Variants in CHST11 observed in about 807,000 individuals in gnomAD.
CHST11 encodes C4S-1.
In CHST11, 9 loss-of-function variants were observed where a neutral mutation model predicts 30.4. That is an observed-to-expected ratio of 0.30 (90% CI 0.18 to 0.52). CHST11 has a LOEUF of 0.52. CHST11 is among the 20% of genes least tolerant of loss of function. CHST11 has a pLI of 0.97. For synonymous variants in CHST11, 152 were observed against 187.8 expected, an observed-to-expected ratio of 0.81 and a Z score of 1.56; for missense variants, 348 against 460.6, an observed-to-expected ratio of 0.76 and a Z score of 2.24.
At chr12:104,749,476 G>T (rs1047046067) in intron 2 of CHST11, among the ~76,000 whole-genome samples, 1 of 152,200 alleles carries the variant, frequency 6.6e-6, no homozygotes, top group Admixed American at 6.5e-5. Flanking sequence ...CAAACAAGAA[G>T]AGGGGAGAGA....
At position 104,757,773 on chromosome 12, in the gene CHST11, C is replaced by T; in HGVS notation, c.1029C>T (p.Tyr343=). The change falls in exon 3 of 3, where the codon TAC becomes TAT. Residue 343 remains tyrosine (Y), a synonymous_variant. Transcript: ENST00000303694. The surrounding 1 kb of genome is among the most constrained non-coding windows in gnomAD (Gnocchi z 6.5). ...AACTCGATTTTTTAATGTTCAATTA[C>T]TCAGTGCCAAGCTACCTGAAATTGG... ...VYKLDFLMFN[Y]SVPSYLKLE is the part of the protein sequence containing the mutation. 4 of 1,614,070 alleles carry T rather than the reference C, an allele frequency of 2.5e-6. No homozygotes were observed. Among genetic ancestry groups the T allele is most frequent in the Non-Finnish European group, 3.4e-6 (4 of 1,179,932 alleles).
intron 2 of CHST11, among the ~76,000 whole-genome samples, chr12:104,686,327 G>T (rs753919140): frequency 6.6e-6 from 1 of 151,742 alleles, no homozygotes; most frequent in African/African-American, 2.4e-5. Context: ...CTGATCCAGC[G>T]CTTGGCTGAC....
At chr12:104,572,337 C>A (rs2038636548) in intron 1 of CHST11, among the ~76,000 whole-genome samples, 2 of 151,798 alleles carry the variant, frequency 1.3e-5, no homozygotes, top group Middle Eastern at 3.4e-3. Context: ...GTGAATCCGT[C>A]TGGTCCTGGA....
intron 1 of CHST11, among the ~76,000 whole-genome samples, chr12:104,460,380 A>C (rs1241362401): frequency 6.6e-6 from 1 of 152,104 alleles, no homozygotes; most frequent in Non-Finnish European, 1.5e-5. Context: ...GAAAAAAAGG[A>C]AGGCAGGGCG....
intron 2 of CHST11, among the ~76,000 whole-genome samples, chr12:104,607,423 C>T (rs941086871): frequency 6.6e-6 from 1 of 152,006 alleles, no homozygotes; most frequent in South Asian, 2.1e-4. Flanking sequence ...AGGAAAAGGG[C>T]GTGGGGAGGA....
chr12:104,744,323 G>A (rs1334451647), intron 2 of CHST11, among the ~76,000 whole-genome samples: 1 of 152,096 alleles, frequency 6.6e-6, no homozygotes, highest in East Asian at 1.9e-4. Context: ...GTATCTCATT[G>A]TGGGTTTGAT....
intron 1 of CHST11, among the ~76,000 whole-genome samples, chr12:104,485,605 A>G (rs1370884022): frequency 1.3e-5 from 2 of 152,238 alleles, no homozygotes; most frequent in Non-Finnish European, 2.9e-5. Context: ...ACAATGGCAG[A>G]AACAATCGGT....
intron 1 of CHST11, among the ~76,000 whole-genome samples, chr12:104,504,714 CCAT>C (rs1424817412): frequency 7.9e-5 from 12 of 151,976 alleles, no homozygotes; most frequent in Non-Finnish European, 1.5e-4. Context: ...GCCTGTAGTC[CCAT>C]CTACTAGGGA....
rs76048619 is a variant in CHST11, at chr12:104,680,198, A to G, written c.205-76751A>G. On this transcript the variant is annotated intron_variant, in intron 2 of 2. Transcript: ENST00000303694. ...AGGACGCAGGTGATAGCAAATAGAT[A>G]TATAAGAAGATACAAGGTAGTAATA... 7.4e-3 allele frequency among the ~76,000 whole-genome samples: 1,127 copies of G among 152,344 alleles called. 13 individuals carry two copies. The highest frequency in any genetic ancestry group is 0.025 in the African/African-American group (1,039 of 41,572).
chr12:104,757,173 G>A lies in CHST11; in HGVS notation c.429G>A (p.Lys143=), dbSNP rs376738492. The A allele has an allele frequency of 1.2e-6, 2 of 1,614,168 alleles. No individual in the cohort carries two copies. Among genetic ancestry groups the A allele is most frequent in the South Asian group, 1.1e-5 (1 of 91,082 alleles). The part of the protein sequence containing the change: ...RLMMVLTGRG[K]YSDPMEIPAN... ...TGATGGTCCTGACCGGGCGGGGGAAGTACAGCGACCCCATGGAGATCCCGG... is the reference window on the plus strand; with the variant it reads ...TGATGGTCCTGACCGGGCGGGGGAAATACAGCGACCCCATGGAGATCCCGG... The change falls in exon 3 of 3, where the codon AAG becomes AAA. Residue 143 remains lysine, a synonymous_variant. Coordinates refer to ENST00000303694, the MANE Select transcript of CHST11 (RefSeq NM_018413.6). This position sits in a 1 kb window ranked among gnomAD's most constrained non-coding sequence, Gnocchi z 6.5.
At position 104,511,930 on chromosome 12, in the gene CHST11, A is replaced by C. The variant is rs2037969602; in HGVS notation, c.118+54401A>C. Among the ~76,000 whole-genome samples the C allele has an allele frequency of 3.9e-5, 6 of 152,148 alleles. No homozygotes were observed. The South Asian group carries it at 1.2e-3, about 32-fold the overall frequency. On this transcript the variant is annotated intron_variant, in intron 1 of 2. Coordinates refer to ENST00000303694, the MANE Select transcript of CHST11 (RefSeq NM_018413.6). Reference sequence around the variant, plus strand: ...AGTCAATGCTATGAAATGGTATAGTATTTGCATATAGCCTACACACATCCT... The same window carrying C: ...AGTCAATGCTATGAAATGGTATAGTCTTTGCATATAGCCTACACACATCCT...
chr12:104,566,038 T>A (rs7139418), intron 1 of CHST11, among the ~76,000 whole-genome samples: 44,890 of 151,956 alleles, frequency 0.3, 6,865 homozygotes, highest in Middle Eastern at 0.39. Flanking sequence ...CCTGTGAATG[T>A]TCTAGATTCT....
At chr12:104,463,526 C>T (rs578096923) in intron 1 of CHST11, among the ~76,000 whole-genome samples, 44 of 152,318 alleles carry the variant, frequency 2.9e-4, no homozygotes, top group Admixed American at 2.4e-3. Context: ...GTGCCAGATA[C>T]TGTTCTTGGC....
At chr12:104,531,758 G>A (rs572514862) in intron 1 of CHST11, among the ~76,000 whole-genome samples, 1 of 152,072 alleles carries the variant, frequency 6.6e-6, no homozygotes, top group Non-Finnish European at 1.5e-5. Flanking sequence ...TCCTGTGCAT[G>A]TTCTCCCAGC....
At chr12:104,635,373 C>T (rs985962949) in intron 2 of CHST11, among the ~76,000 whole-genome samples, 5 of 152,210 alleles carry the variant, frequency 3.3e-5, no homozygotes, top group African/African-American at 1.2e-4. Context: ...CCTGGCCTTC[C>T]GGTGGCACAC....
chr12:104,582,121 C>T (rs796675361), intron 1 of CHST11, among the ~76,000 whole-genome samples: 4 of 152,176 alleles, frequency 2.6e-5, no homozygotes, highest in South Asian at 2.1e-4. Flanking sequence ...TGGAAATGTG[C>T]GCCTGAGAGT....
chr12:104,757,406 G>A lies in CHST11; in HGVS notation c.662G>A (p.Arg221Gln), dbSNP rs1348803637. Residue 221 changes from arginine (R) to glutamine (Q), a missense_variant, in exon 3 of 3, where the codon CGG (arginine) becomes CAG (glutamine). Around this residue, in one of 3 missense-constraint regions of CHST11, gnomAD observed 210 missense variants for 287.2 expected, o/e 0.73. Transcript: ENST00000303694. This position sits in a 1 kb window ranked among gnomAD's most constrained non-coding sequence, Gnocchi z 6.5. ...GGCACCAAGATCATCAAACGCCAGC[G>A]GAAGAACGCCACCCAGGAGGCCCTG... is the stretch of plus-strand genomic sequence containing the variant. ...RYGTKIIKRQRKNATQEALRK... is the reference protein window; with the variant it reads ...RYGTKIIKRQQKNATQEALRK... The A allele has an allele frequency of 3.7e-6, 6 of 1,614,068 alleles. No homozygotes were observed. The highest frequency in any genetic ancestry group is 1.7e-5 in the Admixed American group (1 of 60,022).
At chr12:104,663,671 A>G (rs1303444335) in intron 2 of CHST11, among the ~76,000 whole-genome samples, 1 of 152,286 alleles carries the variant, frequency 6.6e-6, no homozygotes, top group East Asian at 1.9e-4. Context: ...AAATCTTACT[A>G]GGAATGGTTT....
chr12:104,684,568 G>A (rs1382003066), intron 2 of CHST11, among the ~76,000 whole-genome samples: 1 of 152,148 alleles, frequency 6.6e-6, no homozygotes, highest in East Asian at 1.9e-4. Context: ...TTTTGTTAGA[G>A]ACGGAGTCTC....
Sources: allele counts gnomAD v4.1 joint callset (sites outside exome capture counted in the v4.1 genomes callset), GRCh38; gene constraint gnomAD v4.1.1; regional missense constraint gnomAD v4.1.1; non-coding constraint Gnocchi (gnomAD v3.1); transcripts MANE v1.5; gene names NCBI Gene and HGNC (gene_info 2026-07-23, HGNC 2026-07-21).